The following TBC1D14 variants were observed in gnomAD, a reference collection of about 807,000 sequenced individuals.
The protein encoded by TBC1D14 is TBC1 domain family, member 14.
A neutral mutation model predicts 79.0 loss-of-function variants in TBC1D14; 26 were observed. The ratio of observed to expected loss-of-function variants is 0.33; its 90% CI spans 0.24 to 0.46. The LOEUF is 0.46. Among genes scored for constraint, TBC1D14 ranks in the 20% least tolerant of loss-of-function variants. TBC1D14 has a pLI of 1.00. For missense variants in TBC1D14, 769 were observed against 887.6 expected, an observed-to-expected ratio of 0.87 and a Z score of 1.70; for synonymous variants, 394 against 349.9, an observed-to-expected ratio of 1.13 and a Z score of -1.40.
chr4:6,951,886 T>C (rs998348577), intron 2 of TBC1D14, among the ~76,000 whole-genome samples: 29 of 152,120 alleles, frequency 1.9e-4, no homozygotes, highest in African/African-American at 6.8e-4. Flanking sequence ...AATATATAAA[T>C]TGTGACTGTT....
intron 2 of TBC1D14, among the ~76,000 whole-genome samples, chr4:6,935,713 G>A (rs530664892): frequency 2.0e-4 from 30 of 150,940 alleles, no homozygotes; most frequent in East Asian, 7.8e-4. Flanking sequence ...GTGTGATCTC[G>A]GCTCAATGCA....
At position 6,933,753 on chromosome 4, in the gene TBC1D14, A is replaced by G. The variant is rs76786107; in HGVS notation, c.722+9642A>G. Among the ~76,000 whole-genome samples, 42 of 152,328 alleles carry G rather than the reference A, an allele frequency of 2.8e-4. No individual in the cohort carries two copies. In the East Asian group the frequency reaches 7.0e-3, roughly 25 times the overall value. ...GGAATCTCAGAAGTCTGCCTGCCAT[A>G]GGAGTAGTGATTTCATTGAGTCCTA... On this transcript the variant is annotated intron_variant, in intron 2 of 13. Transcript: ENST00000409757.
At chr4:6,955,276 G>C (rs1714518688) in intron 2 of TBC1D14, among the ~76,000 whole-genome samples, 1 of 152,252 alleles carries the variant, frequency 6.6e-6, no homozygotes, top group African/African-American at 2.4e-5. Flanking sequence ...GTGGGATTTA[G>C]AGGAAGCATT....
At chr4:6,987,623 C>T (rs2109122361) in intron 3 of TBC1D14, 2 of 380,556 alleles carry the variant, frequency 5.3e-6, no homozygotes, top group East Asian at 7.5e-5. Context: ...ACTAGGACGA[C>T]GAGAGACAGC....
At chr4:6,922,595 C>T (rs1253460324) in intron 1 of TBC1D14, among the ~76,000 whole-genome samples, 1 of 152,158 alleles carries the variant, frequency 6.6e-6, no homozygotes, top group Non-Finnish European at 1.5e-5. Context: ...AGATGGCATA[C>T]ATAATTTATT....
At chr4:6,943,794 C>A (rs1713152441) in intron 2 of TBC1D14, among the ~76,000 whole-genome samples, 1 of 152,184 alleles carries the variant, frequency 6.6e-6, no homozygotes, top group Admixed American at 6.5e-5. Context: ...CGAGCCGGTG[C>A]AGGTGGTCAG....
Position 6,943,445 on chromosome 4 carries a change from C to T in TBC1D14, c.722+19334C>T, listed in dbSNP as rs114796270. On this transcript the variant is annotated intron_variant, in intron 2 of 13. Transcript: ENST00000409757. The stretch of plus-strand genomic sequence containing the variant: ...TTCCCACCACCTGGAGGATGAAGTC[C>T]AGACCAGTTGGTGTGGCCTACGGGG... 3.2e-3 allele frequency among the ~76,000 whole-genome samples: 487 copies of T among 152,308 alleles called. 1 individual carries two copies. The highest frequency in any genetic ancestry group is 0.011 in the African/African-American group (458 of 41,564).
rs185105386 is a variant in TBC1D14 at position 6,959,929 on chromosome 4, A to G, written c.723-7375A>G. On this transcript the variant is annotated intron_variant, in intron 2 of 13. Transcript: ENST00000409757. Reference sequence around the variant, plus strand: ...GGATGAGGTGGGAGTGGTACAAAGCATTTCATTTTCTAATGGCAGAAATGC... The same window carrying G: ...GGATGAGGTGGGAGTGGTACAAAGCGTTTCATTTTCTAATGGCAGAAATGC... Among the ~76,000 whole-genome samples, 43 of 152,208 alleles carry G rather than the reference A, an allele frequency of 2.8e-4. No homozygotes were observed. In the East Asian group the frequency reaches 5.6e-3, roughly 20 times the overall value.
intron 2 of TBC1D14, among the ~76,000 whole-genome samples, chr4:6,925,886 A>G (rs1458997210): frequency 6.6e-6 from 1 of 152,168 alleles, no homozygotes; most frequent in East Asian, 1.9e-4. Flanking sequence ...ATCCATCCAG[A>G]CATACAGAAT....
chr4:6,977,564 G>C (rs1238754487), intron 3 of TBC1D14, among the ~76,000 whole-genome samples: 1 of 149,736 alleles, frequency 6.7e-6, no homozygotes, highest in East Asian at 2.0e-4. Flanking sequence ...AGTGAGGAGC[G>C]TCTCTGCCTG....
At chr4:6,912,363 A>T (rs1341944617) in intron 1 of TBC1D14, among the ~76,000 whole-genome samples, 3 of 152,180 alleles carry the variant, frequency 2.0e-5, no homozygotes, top group African/African-American at 4.8e-5. Context: ...CTGGTGACAG[A>T]GCTAGACTCC....
chr4:7,021,322 G>C (rs1478249258), intron 12 of TBC1D14, among the ~76,000 whole-genome samples: 2 of 152,250 alleles, frequency 1.3e-5, no homozygotes, highest in Non-Finnish European at 2.9e-5. Flanking sequence ...TTTGGGCTGG[G>C]TGTGGTGTCT....
chr4:7,014,599 C>T (rs754812306), intron 12 of TBC1D14, 42 bp downstream of exon 12: 10 of 1,385,130 alleles, frequency 7.2e-6, no homozygotes, highest in African/African-American at 2.8e-5. Context: ...CATTTCTCAG[C>T]CCTTGTCTGT....
chr4:7,016,320 C>A (rs1035548217), intron 12 of TBC1D14, among the ~76,000 whole-genome samples: 4 of 152,220 alleles, frequency 2.6e-5, no homozygotes, highest in Non-Finnish European at 4.4e-5. Context: ...TGTTTAGGGC[C>A]TGCTTTAAAG....
rs984149371 is a variant in TBC1D14 at position 6,998,226 on chromosome 4, G to A, written c.1046-859G>A. The stretch of plus-strand genomic sequence containing the variant: ...AATACAAAAATTAGCTGGGCCTGGT[G>A]GTGGGCACCTGTAATCCCAGCTTCT... On this transcript the variant is annotated intron_variant, in intron 5 of 13. Coordinates refer to ENST00000409757, the MANE Select transcript of TBC1D14 (RefSeq NM_020773.3). Among the ~76,000 whole-genome samples, 13 of 152,038 alleles carry A rather than the reference G, an allele frequency of 8.6e-5. 1 individual carries two copies. The highest frequency in any genetic ancestry group is 2.9e-4 in the African/African-American group (12 of 41,398).
chr4:6,996,638 C>T (rs1177634675), intron 5 of TBC1D14, among the ~76,000 whole-genome samples: 1 of 152,026 alleles, frequency 6.6e-6, no homozygotes, highest in Non-Finnish European at 1.5e-5. Context: ...TTGAGGCAGG[C>T]AGAGGGGAGA....
intron 2 of TBC1D14, among the ~76,000 whole-genome samples, chr4:6,940,649 T>G (rs1306451025): frequency 6.6e-6 from 1 of 152,152 alleles, no homozygotes; most frequent in African/African-American, 2.4e-5. Context: ...AGAGATGTAT[T>G]CTGAAGGTGC....
intron 2 of TBC1D14, among the ~76,000 whole-genome samples, chr4:6,927,996 G>A (rs1724420026): frequency 6.6e-6 from 1 of 152,186 alleles, no homozygotes; most frequent in Non-Finnish European, 1.5e-5. Context: ...TGCTTGTGGT[G>A]GGTTTATTTT....
intron 3 of TBC1D14, among the ~76,000 whole-genome samples, chr4:6,991,127 A>C (rs1718443469): frequency 6.6e-6 from 1 of 152,250 alleles, no homozygotes; most frequent in Non-Finnish European, 1.5e-5. Flanking sequence ...AAGTATGAGC[A>C]GGCTAGGCCA....
Sources: allele counts gnomAD v4.1 joint callset (sites outside exome capture counted in the v4.1 genomes callset), GRCh38; gene constraint gnomAD v4.1.1; transcripts MANE v1.5; gene names NCBI Gene and HGNC (gene_info 2026-07-23, HGNC 2026-07-21).